FAM193A: variants seen among roughly 807,000 people sequenced by gnomAD.
FAM193A encodes the protein protein FAM193A.
FAM193A carries 22 observed loss-of-function variants against 126.5 expected under a neutral mutation model. That is an observed-to-expected ratio of 0.17 (90% CI 0.12 to 0.25). The LOEUF (loss-of-function observed/expected upper bound fraction) is 0.25, where lower values mean the gene tolerates loss of function less well. Ranked by LOEUF, FAM193A falls within the 10% of genes least tolerant of loss-of-function variation. The probability of loss-of-function intolerance (pLI) is 1.00; values close to 1 mark genes in which losing one functional copy is unlikely to be tolerated. For missense variants in FAM193A, 1,675 were observed against 1,672.8 expected (o/e 1.00, Z -0.02); for synonymous variants, 761 against 646.8 (o/e 1.18, Z -2.68).
At chr4:2,642,803 GCTCACTGCAAGCTCTGC>G (rs1744773037) in intron 6 of FAM193A, among the ~76,000 whole-genome samples, 1 of 150,760 alleles carries the variant, frequency 6.6e-6, no homozygotes, top group African/African-American at 2.4e-5. Flanking sequence ...TGAGATCTTG[GCTCACTGCAAGCTCTGC>G]CTCTCAGGTT....
intron 1 of FAM193A, among the ~76,000 whole-genome samples, chr4:2,579,193 G>C (rs951230838): frequency 6.6e-6 from 1 of 151,624 alleles, no homozygotes; most frequent in Admixed American, 6.6e-5. Context: ...AATCCAGAGC[G>C]TACCTTCAAA....
chr4:2,578,786 A>G (rs1739752049), intron 1 of FAM193A, among the ~76,000 whole-genome samples: 1 of 152,160 alleles, frequency 6.6e-6, no homozygotes, highest in African/African-American at 2.4e-5. Context: ...AGAAAATAAA[A>G]TGTTATATTT....
At chr4:2,696,053 T>TAAATAAATAAAA (rs1383320813) in intron 17 of FAM193A, among the ~76,000 whole-genome samples, 1 of 151,816 alleles carries the variant, frequency 6.6e-6, no homozygotes, top group Non-Finnish European at 1.5e-5. Flanking sequence ...AATAAATAAA[T>TAAATAAATAAAA]AAAATACATT....
At chr4:2,674,151 G>A (rs978352722) in intron 13 of FAM193A, among the ~76,000 whole-genome samples, 1 of 152,168 alleles carries the variant, frequency 6.6e-6, no homozygotes, top group African/African-American at 2.4e-5. Flanking sequence ...TTATTATGTG[G>A]AAACATAAGA....
intron 1 of FAM193A, among the ~76,000 whole-genome samples, chr4:2,566,065 T>TTTTTTTTTTTA (rs1157960174): frequency 6.6e-6 from 1 of 151,958 alleles, no homozygotes; most frequent in African/African-American, 2.4e-5. Flanking sequence ...TTTTTTTTTT[T>TTTTTTTTTTTA]GAGACGGAGT....
chr4:2,622,249 C>A (rs1742590070), intron 2 of FAM193A, among the ~76,000 whole-genome samples: 1 of 127,008 alleles, frequency 7.9e-6, no homozygotes, highest in Admixed American at 7.9e-5. Context: ...AGAGCGAGAC[C>A]CTGTCTCCAA....
chr4:2,628,768 G>A (rs963605994), intron 4 of FAM193A, among the ~76,000 whole-genome samples: 26 of 152,110 alleles, frequency 1.7e-4, no homozygotes, highest in African/African-American at 6.3e-4. Flanking sequence ...CAGCCAGTGT[G>A]TAGTTGATGT....
chr4:2,558,134 T>TG (rs1230558061), intron 1 of FAM193A, among the ~76,000 whole-genome samples: 1 of 151,986 alleles, frequency 6.6e-6, no homozygotes, highest in Non-Finnish European at 1.5e-5. Flanking sequence ...TAGCTGAGTG[T>TG]GGTGGCGCAT....
At chr4:2,674,786 G>A (rs1255931861) in intron 13 of FAM193A, among the ~76,000 whole-genome samples, 3 of 149,710 alleles carry the variant, frequency 2.0e-5, no homozygotes, top group Non-Finnish European at 4.4e-5. Flanking sequence ...GATTGATTGA[G>A]CCTGGGAGCT....
intron 18 of FAM193A, among the ~76,000 whole-genome samples, chr4:2,698,045 C>G (rs1159200961): frequency 6.6e-6 from 1 of 152,204 alleles, no homozygotes; most frequent in Non-Finnish European, 1.5e-5. Context: ...GCACCCAGTC[C>G]CACCTCGAGG....
rs144825076 is a variant in FAM193A, at chr4:2,732,032, C to T, written c.*164C>T. The T allele has an allele frequency of 1.3e-3, 826 of 653,706 alleles. 2 individuals carry two copies. The highest frequency in any genetic ancestry group is 7.6e-3 in the African/African-American group (430 of 56,398). 40.5% of individuals were successfully genotyped at this position (653,706 alleles called of 1,614,324 possible). ...CGAGAAGTTGATGCTCGGCCCACGC[C>T]GTTAGCTCGTGTGCGTGTAGTCTGT... On this transcript the variant is annotated 3_prime_UTR_variant, in exon 21 of 21. Coordinates refer to ENST00000637812, the MANE Select transcript of FAM193A (RefSeq NM_001366318.2).
At chr4:2,678,177 G>C (rs940387440) in intron 13 of FAM193A, among the ~76,000 whole-genome samples, 1 of 151,818 alleles carries the variant, frequency 6.6e-6, no homozygotes, top group East Asian at 1.9e-4. Flanking sequence ...ATAGAGATGG[G>C]GTTTCACTGT....
chr4:2,715,366 GGCAGGAGGATTACTTGA>G (rs1369352836), intron 19 of FAM193A: 12 of 252,474 alleles, frequency 4.8e-5, no homozygotes, highest in Middle Eastern at 2.0e-3. Flanking sequence ...AGGAGGCTGA[GGCAGGAGGATTACTTGA>G]GCCTGGAAGA....
intron 1 of FAM193A, among the ~76,000 whole-genome samples, chr4:2,588,333 G>A (rs1740349513): frequency 6.6e-6 from 1 of 152,186 alleles, no homozygotes; most frequent in Non-Finnish European, 1.5e-5. Flanking sequence ...GACTTACATG[G>A]ACCATAACAT....
chr4:2,666,876 C>A (rs1387509031), intron 12 of FAM193A, among the ~76,000 whole-genome samples: 4 of 152,158 alleles, frequency 2.6e-5, no homozygotes, highest in Admixed American at 2.0e-4. Context: ...TTTTATCTTC[C>A]TTTTAACGGC....
At chr4:2,540,605 G>A (rs35913315) in intron 1 of FAM193A, among the ~76,000 whole-genome samples, 39,584 of 151,738 alleles carry the variant, frequency 0.26, 5,625 homozygotes, top group Middle Eastern at 0.36. Flanking sequence ...CCGAGATGGC[G>A]CCACTGCACT....
At chr4:2,725,306 A>G (rs1328988066) in intron 20 of FAM193A, among the ~76,000 whole-genome samples, 1 of 151,998 alleles carries the variant, frequency 6.6e-6, no homozygotes, top group Non-Finnish European at 1.5e-5. Context: ...TCAGCTGGGC[A>G]TGGTGGCACA....
chr4:2,601,503 G>A lies in FAM193A; in HGVS notation c.501+5174G>A, dbSNP rs149097339. Among the ~76,000 whole-genome samples the A allele has an allele frequency of 8.2e-4, 124 of 151,848 alleles. No individual in the cohort carries two copies. The East Asian group carries it at 0.021, about 26-fold the overall frequency. ...GCCCACCTCGGTCTCCCAAAGTGCT[G>A]GGATTACAAGCCTGAGCCACCATAC... On this transcript the variant is annotated intron_variant, in intron 2 of 20. Coordinates refer to ENST00000637812, the MANE Select transcript of FAM193A (RefSeq NM_001366318.2).
rs1174691230 is a variant in FAM193A, at chr4:2,731,920, C to T, written c.*52C>T. The T allele has an allele frequency of 2.2e-6, 3 of 1,380,236 alleles. No individual in the cohort carries two copies. The highest frequency in any genetic ancestry group is 2.3e-5 in the South Asian group (2 of 86,338). 85.5% of individuals were successfully genotyped at this position (1,380,236 alleles called of 1,614,324 possible). ...CGAGAGGCAGGCCAGGCTGCACCAC[C>T]CCAAGAGCCACGCCCCTCGCTGGCG... On this transcript the variant is annotated 3_prime_UTR_variant, in exon 21 of 21. Transcript: ENST00000637812.
Sources: allele counts gnomAD v4.1 joint callset (sites outside exome capture counted in the v4.1 genomes callset), GRCh38; gene constraint gnomAD v4.1.1; transcripts MANE v1.5; gene names NCBI Gene and HGNC (gene_info 2026-07-23, HGNC 2026-07-21).